The following SAMD5 variants were observed in gnomAD, a reference collection of about 807,000 sequenced individuals.
SAMD5 encodes the protein sterile alpha motif domain-containing protein 5.
A neutral mutation model predicts 11.3 loss-of-function variants in SAMD5; 13 were observed. That is an observed-to-expected ratio of 1.15 (90% confidence interval 0.75 to 1.83). The LOEUF (loss-of-function observed/expected upper bound fraction) is 1.83, where lower values mean the gene tolerates loss of function less well. SAMD5 is among the 40% of genes most tolerant of loss of function. SAMD5 has a pLI of 0.00. For missense variants in SAMD5, 255 were observed against 239.1 expected, an observed-to-expected ratio of 1.07 and a Z score of -0.44; for synonymous variants, 129 against 111.3, an observed-to-expected ratio of 1.16 and a Z score of -1.00.
At chr6:147,528,301 T>C (rs927086824) in intron 1 of SAMD5, among the ~76,000 whole-genome samples, 14 of 152,304 alleles carry the variant, frequency 9.2e-5, no homozygotes, top group African/African-American at 3.4e-4. Flanking sequence ...CAGAATTTTA[T>C]TTTCTCACAG....
chr6:147,698,922 C>T (rs1791215651), intron 1 of SAMD5, among the ~76,000 whole-genome samples: 1 of 152,100 alleles, frequency 6.6e-6, no homozygotes, highest in South Asian at 2.1e-4. Context: ...GATGAAAAGG[C>T]TTCATGGCAG....
chr6:147,568,206 G>A lies in SAMD5; in HGVS notation c.*3750G>A, dbSNP rs989505611. 6.7e-5 allele frequency: 66 copies of A among 985,176 alleles called. No homozygotes were observed. Among genetic ancestry groups the A allele is most frequent in the Non-Finnish European group, 7.4e-5 (61 of 829,916 alleles). 61.0% of individuals were successfully genotyped at this position (985,176 alleles called of 1,614,324 possible). ...GATACAAAGCAGATGATGGTGGATC[G>A]GCAAACTCTTTTCTATGAAAAGAAA... On this transcript the variant is annotated 3_prime_UTR_variant, in exon 2 of 2. Coordinates refer to ENST00000367474, the MANE Select transcript of SAMD5 (RefSeq NM_001030060.3).
the SAMD5 span, among the ~76,000 whole-genome samples, chr6:147,821,632 C>T: frequency 6.6e-6 from 1 of 152,220 alleles, no homozygotes; most frequent in African/African-American, 2.4e-5. Flanking sequence ...AGATTATGCT[C>T]TGGTGTGTTC....
At chr6:147,761,260 T>G in the SAMD5 span, among the ~76,000 whole-genome samples, 1 of 152,162 alleles carries the variant, frequency 6.6e-6, no homozygotes, top group Non-Finnish European at 1.5e-5. Context: ...CTACAAGGCC[T>G]ACAAGCTACT....
At chr6:147,890,247 A>C in the SAMD5 span, among the ~76,000 whole-genome samples, 2 of 152,234 alleles carry the variant, frequency 1.3e-5, no homozygotes, top group African/African-American at 4.8e-5. Flanking sequence ...ACCCAAGATA[A>C]TAACAGTCAA....
At chr6:147,597,615 C>T (rs1228601914) in intron 1 of SAMD5, among the ~76,000 whole-genome samples, 2 of 152,172 alleles carry the variant, frequency 1.3e-5, no homozygotes, top group African/African-American at 4.8e-5. Flanking sequence ...CATTCTAAAA[C>T]ATGATTTATT....
At chr6:147,690,745 G>A (rs1791089039) in intron 1 of SAMD5, among the ~76,000 whole-genome samples, 2 of 152,220 alleles carry the variant, frequency 1.3e-5, no homozygotes, top group South Asian at 4.1e-4. Flanking sequence ...CATTCTTCTT[G>A]TTTCAATCTA....
At chr6:147,549,402 A>C (rs552864880) in intron 1 of SAMD5, among the ~76,000 whole-genome samples, 52 of 152,344 alleles carry the variant, frequency 3.4e-4, no homozygotes, top group African/African-American at 1.2e-3. Flanking sequence ...GCACTCATAC[A>C]TGTATGAACA....
intron 1 of SAMD5, among the ~76,000 whole-genome samples, chr6:147,531,671 A>G (rs1010528831): frequency 6.6e-6 from 1 of 152,232 alleles, no homozygotes; most frequent in African/African-American, 2.4e-5. Context: ...GGCTTCCCAT[A>G]TAAGAGCTTG....
At chr6:147,546,836 T>G (rs1788695497) in intron 1 of SAMD5, among the ~76,000 whole-genome samples, 1 of 152,224 alleles carries the variant, frequency 6.6e-6, no homozygotes, top group Non-Finnish European at 1.5e-5. Context: ...CATTCCCTTC[T>G]GCCCTATGTG....
At chr6:147,832,657 G>A in the SAMD5 span, among the ~76,000 whole-genome samples, 5 of 152,112 alleles carry the variant, frequency 3.3e-5, no homozygotes, top group South Asian at 1.0e-3. Context: ...AATTACTTTT[G>A]TATTTCATCT....
At chr6:147,584,672 A>G (rs1300363534) in intron 1 of SAMD5, among the ~76,000 whole-genome samples, 61 of 152,230 alleles carry the variant, frequency 4.0e-4, no homozygotes, top group Non-Finnish European at 1.6e-4. Flanking sequence ...TGATGAATTA[A>G]TAGGTGCATT....
intron 1 of SAMD5, among the ~76,000 whole-genome samples, chr6:147,541,908 T>C (rs545526578): frequency 2.6e-5 from 4 of 152,038 alleles, no homozygotes; most frequent in Non-Finnish European, 5.9e-5. Flanking sequence ...ACAATGGGGC[T>C]ATAGACAGAC....
chr6:147,794,703 A>C, the SAMD5 span, among the ~76,000 whole-genome samples: 1 of 152,206 alleles, frequency 6.6e-6, no homozygotes, highest in Non-Finnish European at 1.5e-5. Flanking sequence ...AAGGCATAGG[A>C]AGCATGAAAA....
At chr6:147,826,063 C>T in the SAMD5 span, among the ~76,000 whole-genome samples, 1 of 152,164 alleles carries the variant, frequency 6.6e-6, no homozygotes, top group African/African-American at 2.4e-5. Context: ...AGAACTACAC[C>T]TGCCTTATGG....
intron 1 of SAMD5, among the ~76,000 whole-genome samples, chr6:147,619,437 T>G (rs1471552790): frequency 6.7e-6 from 1 of 150,290 alleles, no homozygotes; most frequent in African/African-American, 2.5e-5. Flanking sequence ...GATATGCAGA[T>G]ACTCATGAGG....
the SAMD5 span, among the ~76,000 whole-genome samples, chr6:147,889,915 ATATGCTCC>A: frequency 6.6e-6 from 1 of 152,124 alleles, no homozygotes; most frequent in Non-Finnish European, 1.5e-5. Flanking sequence ...TTCCTCTCTG[ATATGCTCC>A]CTTTGGCATT....
At chr6:147,662,034 C>T (rs758077660) in intron 1 of SAMD5, among the ~76,000 whole-genome samples, 1 of 152,166 alleles carries the variant, frequency 6.6e-6, no homozygotes, top group Non-Finnish European at 1.5e-5. Context: ...TCGTCCTCTC[C>T]TTATGTTTCA....
chr6:147,921,707 GGGC>G, the SAMD5 span, among the ~76,000 whole-genome samples: 1 of 152,014 alleles, frequency 6.6e-6, no homozygotes, highest in East Asian at 1.9e-4. Context: ...CTGTTTTGGA[GGGC>G]AACCACCCAG....
Sources: gnomAD v4.1 joint callset for allele counts (sites outside exome capture counted in the v4.1 genomes callset) on GRCh38, gnomAD v4.1.1 for gene constraint, MANE v1.5 for transcripts, NCBI Gene and HGNC (gene_info 2026-07-23, HGNC 2026-07-21) for gene names.